Variants in SLC25A6 observed in about 807,000 individuals in gnomAD.
SLC25A6 encodes the protein ADP/ATP translocase 3.
SLC25A6 carries 9 observed loss-of-function variants against 25.7 expected under a neutral mutation model. The ratio of observed to expected loss-of-function variants is 0.35; its 90% CI spans 0.21 to 0.61. The LOEUF (loss-of-function observed/expected upper bound fraction) is 0.61. Ranked by LOEUF, SLC25A6 falls within the 20% of genes least tolerant of loss-of-function variation. The pLI is 0.76. For missense variants in SLC25A6, 404 were observed against 440.5 expected, an observed-to-expected ratio of 0.92 and a Z score of 0.74; for synonymous variants, 223 against 197.0, an observed-to-expected ratio of 1.13 and a Z score of -1.11.
At chrX:1,388,233 G>T (rs1305901340) in intron 2 of SLC25A6, among the ~76,000 whole-genome samples, 1 of 149,132 alleles carries the variant, frequency 6.7e-6, no homozygotes, top group Non-Finnish European at 1.5e-5. Context: ...CCCACACCTT[G>T]ATCTCAGACT....
chrX:1,391,633 G>GGCCCTGCTCAGCGCGCATGC (rs2089413502), intron 1 of SLC25A6, among the ~76,000 whole-genome samples: 4 of 152,234 alleles, frequency 2.6e-5, no homozygotes, highest in African/African-American at 9.6e-5. Flanking sequence ...TCCGTCCATG[G>GGCCCTGCTCAGCGCGCATGC]GCCCTGCTCA....
chrX:1,392,061 G>C lies in SLC25A6; in HGVS notation c.-52C>G, dbSNP rs1181416064. ...AGGACAGCCGGAGAACGGGCGCGGA[G>C]AGTGAATGGAGGGCGTCGCTGGCTC... On this transcript the variant is annotated 5_prime_UTR_variant, in exon 1 of 4. Transcript: ENST00000381401. 3 of 1,367,128 alleles carry C rather than the reference G, an allele frequency of 2.2e-6. No homozygotes were observed. The highest frequency in any genetic ancestry group is 1.9e-5 in the Admixed American group (1 of 51,774). The allele number at this position is 1,367,128 out of a possible 1,614,324, so 84.7% of individuals were successfully genotyped here.
chrX:1,392,042 G>T lies in SLC25A6; in HGVS notation c.-33C>A, dbSNP rs752722773. On this transcript the variant is annotated 5_prime_UTR_variant, in exon 1 of 4. It adds an upstream start codon to the 5' untranslated region. Transcript: ENST00000381401. Reference sequence around the variant, plus strand: ...GGGCGGGCAGCGGAACGGGAGGACAGCCGGAGAACGGGCGCGGAGAGTGAA... The same window carrying T: ...GGGCGGGCAGCGGAACGGGAGGACATCCGGAGAACGGGCGCGGAGAGTGAA... 86 of 1,521,290 alleles carry T rather than the reference G, an allele frequency of 5.7e-5. No individual in the cohort carries two copies. Among genetic ancestry groups the T allele is most frequent in the Middle Eastern group, 2.3e-4 (1 of 4,334 alleles). The allele number at this position is 1,521,290 out of a possible 1,614,324, so 94.2% of individuals were successfully genotyped here.
Position 1,386,634 on chromosome X carries a change from C to A in SLC25A6, c.865G>T (p.Val289Phe). 1 of 1,596,442 alleles carries A rather than the reference C, an allele frequency of 6.3e-7. No individual in the cohort carries two copies. The highest frequency in any genetic ancestry group is 8.5e-7 in the Non-Finnish European group (1 of 1,171,592). Residue 289 changes from valine to phenylalanine, a missense_variant, in exon 4 of 4, where the codon GTC (valine) becomes TTC (phenylalanine). Coordinates refer to ENST00000381401, the MANE Select transcript of SLC25A6 (RefSeq NM_001636.4). Reference sequence around the variant, plus strand: ...ACCTTCTTGAGCTCGTCGTACAGGACCAGCACGAAGGCGCCCCCCATGCCC... The same window carrying A: ...ACCTTCTTGAGCTCGTCGTACAGGAACAGCACGAAGGCGCCCCCCATGCCC... ...LRGMGGAFVL[V>F]LYDELKKVI
At chrX:1,388,722 C>A (rs1313911853) in intron 2 of SLC25A6, among the ~76,000 whole-genome samples, 1 of 151,702 alleles carries the variant, frequency 6.6e-6, no homozygotes, top group African/African-American at 2.4e-5. Flanking sequence ...GTGGGAGAAT[C>A]AATGTCTGCT....
At chrX:1,387,214 C>T (rs1218740587) in intron 3 of SLC25A6, 65 bp downstream of exon 3, 36 of 1,584,228 alleles carry the variant, frequency 2.3e-5, no homozygotes, top group South Asian at 1.1e-4. Context: ...TGACCTCCCA[C>T]GGGCCTAGGG....
At position 1,392,046 on chromosome X, in the gene SLC25A6, G is replaced by A. The variant is rs780342264; in HGVS notation, c.-37C>T. 8.6e-6 allele frequency: 13 copies of A among 1,504,458 alleles called. No homozygotes were observed. The highest frequency in any genetic ancestry group is 1.4e-5 in the African/African-American group (1 of 72,430). 93.2% of individuals were successfully genotyped at this position (1,504,458 alleles called of 1,614,324 possible). A position where few individuals can be genotyped will look rare whatever the true frequency, so the allele number is the denominator to read the frequency against. On this transcript the variant is annotated 5_prime_UTR_variant, in exon 1 of 4. Transcript: ENST00000381401. Reference sequence around the variant, plus strand: ...GGGCAGCGGAACGGGAGGACAGCCGGAGAACGGGCGCGGAGAGTGAATGGA... The same window carrying A: ...GGGCAGCGGAACGGGAGGACAGCCGAAGAACGGGCGCGGAGAGTGAATGGA...
At position 1,392,043 on chromosome X, in the gene SLC25A6, C is replaced by T. The variant is rs775419378; in HGVS notation, c.-34G>A. The T allele has an allele frequency of 3.9e-6, 6 of 1,523,002 alleles. No homozygotes were observed. In the South Asian group the frequency reaches 7.0e-5, roughly 18 times the overall value. The allele number at this position is 1,523,002 out of a possible 1,614,324, so 94.3% of individuals were successfully genotyped here. A position where few individuals can be genotyped will look rare whatever the true frequency, so the allele number is the denominator to read the frequency against. ...GGCGGGCAGCGGAACGGGAGGACAG[C>T]CGGAGAACGGGCGCGGAGAGTGAAT... On this transcript the variant is annotated 5_prime_UTR_variant, in exon 1 of 4. Coordinates refer to ENST00000381401, the MANE Select transcript of SLC25A6 (RefSeq NM_001636.4).
Position 1,387,224 on chromosome X carries a change from G to C in SLC25A6, c.739+55C>G. 20 of 1,597,974 alleles carry C rather than the reference G, an allele frequency of 1.3e-5. No homozygotes were observed. The South Asian group carries it at 2.2e-4, about 18-fold the overall frequency. ...GTTCCTGACCTCCCACGGGCCTAGG[G>C]CAAGGAGCTTGGTTCCCCTTCCCGG... On this transcript the variant is annotated intron_variant, in intron 3 of 3. Transcript: ENST00000381401.
At chrX:1,387,152 G>C (rs1393737476) in intron 3 of SLC25A6, 127 bp downstream of exon 3, 2 of 1,193,888 alleles carry the variant, frequency 1.7e-6, no homozygotes, top group Non-Finnish European at 2.4e-6. Context: ...GGTTACTTTC[G>C]GACACACTTG....
intron 2 of SLC25A6, among the ~76,000 whole-genome samples, chrX:1,388,336 G>A (rs1465233918): frequency 6.6e-6 from 1 of 150,872 alleles, no homozygotes; most frequent in African/African-American, 2.4e-5. Flanking sequence ...AATGGACTAA[G>A]ACATCTCATC....
intron 1 of SLC25A6, among the ~76,000 whole-genome samples, chrX:1,391,460 C>T (rs1381334338): frequency 6.6e-6 from 1 of 152,218 alleles, no homozygotes; most frequent in Non-Finnish European, 1.5e-5. Context: ...CCTGGTTATT[C>T]CAGGACACCT....
Position 1,386,593 on chromosome X carries a change from C to T in SLC25A6, c.*9G>A. 6.5e-7 allele frequency: 1 copy of T among 1,544,554 alleles called. No individual in the cohort carries two copies. Among genetic ancestry groups the T allele is most frequent in the South Asian group, 1.3e-5 (1 of 79,336 alleles). ...GGTGTGTGTGTGTGTGTGGAGGAGG[C>T]CGCGGCCCTTAGATCACCTTCTTGA... On this transcript the variant is annotated 3_prime_UTR_variant, in exon 4 of 4. Coordinates refer to ENST00000381401, the MANE Select transcript of SLC25A6 (RefSeq NM_001636.4).
At chrX:1,386,892 A>C in intron 3 of SLC25A6, 133 bp from the exon 4 acceptor site, 2 of 1,124,886 alleles carry the variant, frequency 1.8e-6, no homozygotes, top group South Asian at 3.0e-5. Flanking sequence ...TACAGGAGGG[A>C]TACCTGAGGC....
chrX:1,391,814 A>T, intron 1 of SLC25A6, 85 bp downstream of exon 1: 1 of 1,070,040 alleles, frequency 9.3e-7, no homozygotes, highest in African/African-American at 1.6e-5. Context: ...CCCGCCTGCA[A>T]GGCTCTGCTG....
At chrX:1,391,779 C>G (rs757655701) in intron 1 of SLC25A6, 120 bp downstream of exon 1, 3 of 706,424 alleles carry the variant, frequency 4.2e-6, no homozygotes, top group South Asian at 3.7e-5. Context: ...GTGGACAAAG[C>G]GATCGCGGCC....
chrX:1,392,057 C>G lies in SLC25A6; in HGVS notation c.-48G>C, dbSNP rs777339610. ...CGGGAGGACAGCCGGAGAACGGGCG[C>G]GGAGAGTGAATGGAGGGCGTCGCTG... On this transcript the variant is annotated 5_prime_UTR_variant, in exon 1 of 4. Transcript: ENST00000381401. 1.4e-6 allele frequency: 2 copies of G among 1,442,010 alleles called. No individual in the cohort carries two copies. Among genetic ancestry groups the G allele is most frequent in the Admixed American group, 3.8e-5 (2 of 52,756 alleles). The allele number at this position is 1,442,010 out of a possible 1,614,324, so 89.3% of individuals were successfully genotyped here.
In SLC25A6 at chrX:1,388,195, G is replaced by A. The variant is rs1419107475; in HGVS notation, c.599-776C>T. On this transcript the variant is annotated intron_variant, in intron 2 of 3. Transcript: ENST00000381401. ...GAAGACGGCGTCTACAAGCCCAGGA[G>A]AGAGGCCTCAGGAGGAACCAGCCCT... Among the ~76,000 whole-genome samples, 4 of 152,026 alleles carry A rather than the reference G, an allele frequency of 2.6e-5. No homozygotes were observed. In the East Asian group the frequency reaches 7.8e-4, roughly 29 times the overall value.
In SLC25A6 at chrX:1,387,259, T is replaced by C. The variant is rs1231545412; in HGVS notation, c.739+20A>G. The C allele has an allele frequency of 6.2e-7, 1 of 1,607,582 alleles. No homozygotes were observed. Among genetic ancestry groups the C allele is most frequent in the Non-Finnish European group, 8.5e-7 (1 of 1,176,948 alleles). ...TGGTTCCCCTTCCCGGCAGCAAGGG[T>C]CCCCCGCCCCCCCGAGTACCTCCTT... is the stretch of plus-strand genomic sequence containing the variant. On this transcript the variant is annotated intron_variant, in intron 3 of 3. Transcript: ENST00000381401.
Sources: allele counts gnomAD v4.1 joint callset (sites outside exome capture counted in the v4.1 genomes callset), GRCh38; gene constraint gnomAD v4.1.1; transcripts MANE v1.5; gene names NCBI Gene and HGNC (gene_info 2026-07-23, HGNC 2026-07-21).